The following XKR4 variants were observed in gnomAD, a reference collection of about 807,000 sequenced individuals.
The protein encoded by XKR4 is XK-related protein 4.
A neutral mutation model predicts 53.9 loss-of-function variants in XKR4; 12 were observed. The observed-to-expected ratio is 0.22, with a 90% CI of 0.14 to 0.36. The LOEUF (loss-of-function observed/expected upper bound fraction) is 0.36, where lower values mean the gene tolerates loss of function less well. Ranked by LOEUF, XKR4 falls within the 10% of genes least tolerant of loss-of-function variation. XKR4 has a pLI of 1.00. For missense variants in XKR4, 799 were observed against 859.5 expected (o/e 0.93, Z 0.88); for synonymous variants, 354 against 362.4 (o/e 0.98, Z 0.26).
chr8:55,418,172 T>A (rs6473983), intron 2 of XKR4, among the ~76,000 whole-genome samples: 1 of 152,064 alleles, frequency 6.6e-6, no homozygotes, highest in Non-Finnish European at 1.5e-5. Flanking sequence ...ACTTCCTATC[T>A]ACACCTCGAG....
rs182000540 is a variant in XKR4, at chr8:55,360,570, C to G, written c.1006+2693C>G. On this transcript the variant is annotated intron_variant, in intron 2 of 2. Transcript: ENST00000327381. ...TGTAAATAATCAATAGGCATGAAAT[C>G]TGTAAAGGATTTGCAGATAGCTGTG... 2.0e-5 allele frequency among the ~76,000 whole-genome samples: 3 copies of G among 152,320 alleles called. No individual in the cohort carries two copies. In the East Asian group the frequency reaches 5.8e-4, roughly 29 times the overall value.
chr8:55,106,684 A>G (rs1440517108), intron 1 of XKR4, among the ~76,000 whole-genome samples: 1 of 152,136 alleles, frequency 6.6e-6, no homozygotes, highest in African/African-American at 2.4e-5. Context: ...CTCTACCTGA[A>G]TTTCTCCTAT....
intron 1 of XKR4, among the ~76,000 whole-genome samples, chr8:55,197,784 C>T (rs1016625464): frequency 6.6e-6 from 1 of 152,144 alleles, no homozygotes; most frequent in African/African-American, 2.4e-5. Flanking sequence ...ACCTCGTGAT[C>T]CACCTGCCTC....
chr8:55,293,101 G>A (rs7842017), intron 1 of XKR4, among the ~76,000 whole-genome samples: 20,238 of 152,090 alleles, frequency 0.13, 1,535 homozygotes, highest in Non-Finnish European at 0.18. Flanking sequence ...GTAGGAAGCC[G>A]AGGCAGGCAG....
intron 2 of XKR4, among the ~76,000 whole-genome samples, chr8:55,512,556 T>G (rs1401050394): frequency 6.6e-6 from 1 of 152,352 alleles, no homozygotes; most frequent in Non-Finnish European, 1.5e-5. Context: ...GCTGTAAATA[T>G]GTATGTTGCA....
chr8:55,257,197 A>G (rs1355423164), intron 1 of XKR4, among the ~76,000 whole-genome samples: 1 of 152,254 alleles, frequency 6.6e-6, no homozygotes, highest in Non-Finnish European at 1.5e-5. Flanking sequence ...GGAGCAGATT[A>G]AAGCCCATAT....
chr8:55,236,574 CT>C (rs1818130058), intron 1 of XKR4, among the ~76,000 whole-genome samples: 1 of 152,152 alleles, frequency 6.6e-6, no homozygotes, highest in South Asian at 2.1e-4. Flanking sequence ...AAACCTCCCC[CT>C]GAAGCCATGG....
At chr8:55,199,972 T>C (rs1817557450) in intron 1 of XKR4, among the ~76,000 whole-genome samples, 1 of 152,184 alleles carries the variant, frequency 6.6e-6, no homozygotes, top group Non-Finnish European at 1.5e-5. Flanking sequence ...GTGTAGAACC[T>C]TGTAGCAGTT....
chr8:55,449,988 AC>A, intron 2 of XKR4: 1 of 818,890 alleles, frequency 1.2e-6, no homozygotes, highest in South Asian at 1.4e-5. Context: ...GCAGGTACAT[AC>A]CCAGCGAGCA....
chr8:55,494,520 G>A (rs189808870), intron 2 of XKR4, among the ~76,000 whole-genome samples: 182 of 152,308 alleles, frequency 1.2e-3, no homozygotes, highest in African/African-American at 3.9e-3. Context: ...AGTGGAGGGC[G>A]AGCAAGACGA....
intron 1 of XKR4, among the ~76,000 whole-genome samples, chr8:55,206,972 T>C (rs1024458095): frequency 6.6e-6 from 1 of 152,224 alleles, no homozygotes; most frequent in African/African-American, 2.4e-5. Flanking sequence ...CCCCGCGGCA[T>C]AGTCTGCTTA....
At chr8:55,206,242 C>T (rs1161758600) in intron 1 of XKR4, among the ~76,000 whole-genome samples, 1 of 152,174 alleles carries the variant, frequency 6.6e-6, no homozygotes, top group African/African-American at 2.4e-5. Context: ...GCTTTTATTC[C>T]CTTATTTGGC....
chr8:55,507,000 T>C (rs2129404142), intron 2 of XKR4, among the ~76,000 whole-genome samples: 1 of 152,366 alleles, frequency 6.6e-6, no homozygotes, highest in Middle Eastern at 3.4e-3. Context: ...GGTGTCACTT[T>C]TTTTTCTTAT....
At chr8:55,206,334 A>T (rs1817650437) in intron 1 of XKR4, among the ~76,000 whole-genome samples, 1 of 152,110 alleles carries the variant, frequency 6.6e-6, no homozygotes, top group South Asian at 2.1e-4. Flanking sequence ...GTGCATTTAC[A>T]AACTGTTAGC....
At chr8:55,502,286 A>G (rs1178013995) in intron 2 of XKR4, among the ~76,000 whole-genome samples, 1 of 152,178 alleles carries the variant, frequency 6.6e-6, no homozygotes, top group African/African-American at 2.4e-5. Context: ...TTGCTTGGAG[A>G]ACTGACATAC....
chr8:55,346,754 A>G (rs1803651612), intron 1 of XKR4, among the ~76,000 whole-genome samples: 2 of 150,288 alleles, frequency 1.3e-5, no homozygotes, highest in South Asian at 4.2e-4. Context: ...CAGGCAACAG[A>G]AGAAAATATC....
rs78627156 is a variant in XKR4, at chr8:55,174,107, C to T, written c.806+70813C>T. 7.0e-3 allele frequency among the ~76,000 whole-genome samples: 1,062 copies of T among 151,456 alleles called. 11 individuals carry two copies. Among genetic ancestry groups the T allele is most frequent in the African/African-American group, 0.024 (1,002 of 41,230 alleles). On this transcript the variant is annotated intron_variant, in intron 1 of 2. Transcript: ENST00000327381. ...TGAAATATTATTGGTATCTAGAGTT[C>T]GGTGCAGATAATACAATTAAAATGT...
At chr8:55,135,628 C>G (rs1012857563) in intron 1 of XKR4, 14 of 456,094 alleles carry the variant, frequency 3.1e-5, no homozygotes, top group African/African-American at 2.4e-4. Context: ...AAGCCAAGGA[C>G]AGATGGCTCC....
chr8:55,190,869 G>A (rs1212254761), intron 1 of XKR4, among the ~76,000 whole-genome samples: 3 of 152,168 alleles, frequency 2.0e-5, no homozygotes, highest in African/African-American at 7.2e-5. Context: ...TGAAAACAGT[G>A]TGTTTTCAGT....
Sources: gnomAD v4.1 joint callset for allele counts (sites outside exome capture counted in the v4.1 genomes callset) on GRCh38, gnomAD v4.1.1 for gene constraint, MANE v1.5 for transcripts, NCBI Gene and HGNC (gene_info 2026-07-23, HGNC 2026-07-21) for gene names.